The following TNNI1 variants were observed in gnomAD, a reference collection of about 807,000 sequenced individuals.
TNNI1 encodes the protein troponin I1, slow skeletal type, also known as troponin I, slow skeletal muscle.
In TNNI1, 14 loss-of-function variants were observed where a neutral mutation model predicts 26.7. That is an observed-to-expected ratio of 0.52 (90% CI 0.35 to 0.82). The LOEUF is 0.82. TNNI1 is among the 40% of genes least tolerant of loss of function. The pLI is 0.01. For synonymous variants in TNNI1, 79 were observed against 98.2 expected, an observed-to-expected ratio of 0.80 and a Z score of 1.16; for missense variants, 164 against 257.0, an observed-to-expected ratio of 0.64 and a Z score of 2.47.
intron 6 of TNNI1, 56 bp downstream of exon 6, chr1:201,412,976 G>T (rs1662664072): frequency 1.9e-6 from 3 of 1,550,464 alleles, no homozygotes; most frequent in African/African-American, 2.7e-5. Context: ...CTGCATCCGT[G>T]CCCATGCCCC....
Position 201,406,174 on chromosome 1 carries a change from G to C in TNNI1, c.*3079C>G, listed in dbSNP as rs1267903658. ...CCAAGGCAGAGTGACCTGAGATCTA[G>C]TCTCCAGTCTGCAGCTAGCAAACCC... On this transcript the variant is annotated 3_prime_UTR_variant, in exon 9 of 9. Transcript: ENST00000361379. 4 of 152,192 alleles carry C rather than the reference G, an allele frequency of 2.6e-5. No individual in the cohort carries two copies. Among genetic ancestry groups the C allele is most frequent in the African/African-American group, 9.7e-5 (4 of 41,434 alleles). The allele number at this position is 152,192 out of a possible 1,614,324, so 9.4% of individuals were successfully genotyped here. A position where few individuals can be genotyped will look rare whatever the true frequency, so the allele number is the denominator to read the frequency against.
chr1:201,420,077 C>T (rs1400004643), intron 1 of TNNI1, among the ~76,000 whole-genome samples: 3 of 152,224 alleles, frequency 2.0e-5, no homozygotes, highest in Non-Finnish European at 4.4e-5. Flanking sequence ...CTGGGATGTG[C>T]CTTGTCCTTG....
chr1:201,407,992 G>A lies in TNNI1; in HGVS notation c.*1261C>T, dbSNP rs1213733613. 4 of 149,982 alleles carry A rather than the reference G, an allele frequency of 2.7e-5. No homozygotes were observed. Among genetic ancestry groups the A allele is most frequent in the Non-Finnish European group, 4.4e-5 (3 of 67,892 alleles). 9.3% of individuals were successfully genotyped at this position (149,982 alleles called of 1,614,324 possible). ...TGGGAGGCGGAGGTTGCAGTGAGTC[G>A]AGATCGCGTCACTGCACTCCAGCCT... On this transcript the variant is annotated 3_prime_UTR_variant, in exon 9 of 9. Transcript: ENST00000361379.
At chr1:201,412,940 TG>T in intron 6 of TNNI1, 91 bp downstream of exon 6, 1 of 1,313,664 alleles carries the variant, frequency 7.6e-7, no homozygotes, top group Non-Finnish European at 1.1e-6. Flanking sequence ...CTAGGCCCTG[TG>T]GAAGGAGGGG....
At chr1:201,410,290 G>C (rs1414415746) in intron 8 of TNNI1, 36 bp downstream of exon 8, 1 of 1,579,954 alleles carries the variant, frequency 6.3e-7, no homozygotes, top group South Asian at 1.1e-5. Context: ...TCTAGACTCT[G>C]ATGGACCCCA....
intron 5 of TNNI1, 52 bp from the exon 6 acceptor site, chr1:201,413,173 A>G (rs751685030): frequency 6.3e-7 from 1 of 1,599,164 alleles, no homozygotes. Flanking sequence ...GAACAGAGAC[A>G]TCAGTTTCCA....
In TNNI1 at chr1:201,414,741, C is replaced by G. The variant is rs1458536221; in HGVS notation, c.58-92G>C. The G allele has an allele frequency of 7.1e-6, 11 of 1,559,022 alleles. No homozygotes were observed. The South Asian group carries it at 1.1e-4, about 16-fold the overall frequency. On this transcript the variant is annotated intron_variant, in intron 4 of 8. Transcript: ENST00000361379. ...AGGGCAGCCACAGCCTGGGCCAACT[C>G]TGAGACCACTGTCCAGTGTAGAAGT...
chr1:201,415,465 C>G lies in TNNI1; in HGVS notation c.16-211G>C, dbSNP rs150743586. On this transcript the variant is annotated intron_variant, in intron 3 of 8. Coordinates refer to ENST00000361379, the MANE Select transcript of TNNI1 (RefSeq NM_003281.4). The stretch of plus-strand genomic sequence containing the variant: ...AGCTACCTTGACCTAGGGGCTGAAG[C>G]CTTAACTTCCCACTCTGATTCTGCT... 9.8e-3 allele frequency among the ~76,000 whole-genome samples: 1,490 copies of G among 152,266 alleles called. 12 individuals are homozygous for G. Among genetic ancestry groups the G allele is most frequent in the Non-Finnish European group, 0.014 (943 of 68,012 alleles).
chr1:201,415,193 C>A lies in TNNI1; in HGVS notation c.57+20G>T, dbSNP rs1267468535. On this transcript the variant is annotated intron_variant, in intron 4 of 8. Coordinates refer to ENST00000361379, the MANE Select transcript of TNNI1 (RefSeq NM_003281.4). The stretch of plus-strand genomic sequence containing the variant: ...CTGCCTCCCACTGGGCATCCCCCCA[C>A]AGCCAGCCCCCAGCCTCACCTTCAG... The A allele has an allele frequency of 6.2e-6, 10 of 1,610,876 alleles. No homozygotes were observed. Among genetic ancestry groups the A allele is most frequent in the Non-Finnish European group, 8.5e-6 (10 of 1,177,526 alleles).
In TNNI1 at chr1:201,411,004, A is replaced by G. The variant is rs1364004085; in HGVS notation, c.456+353T>C. Among the ~76,000 whole-genome samples the G allele has an allele frequency of 6.6e-6, 1 of 152,180 alleles. No homozygotes were observed. The highest frequency in any genetic ancestry group is 1.5e-5 in the Non-Finnish European group (1 of 68,030). On this transcript the variant is annotated intron_variant, in intron 7 of 8. Coordinates refer to ENST00000361379, the MANE Select transcript of TNNI1 (RefSeq NM_003281.4). This position sits in a 1 kb window ranked among gnomAD's most constrained non-coding sequence, Gnocchi z 4.6. ...ATGCTCGTGTGTGGCTATAACCAAGATGAGCTGCTGTCTCCTTTCCCTGTG... is the reference window on the plus strand; with the variant it reads ...ATGCTCGTGTGTGGCTATAACCAAGGTGAGCTGCTGTCTCCTTTCCCTGTG...
chr1:201,415,195 G>A lies in TNNI1; in HGVS notation c.57+18C>T, dbSNP rs1253312777. ...GCCTCCCACTGGGCATCCCCCCACAGCCAGCCCCCAGCCTCACCTTCAGCA... is the reference window on the plus strand; with the variant it reads ...GCCTCCCACTGGGCATCCCCCCACAACCAGCCCCCAGCCTCACCTTCAGCA... On this transcript the variant is annotated intron_variant, in intron 4 of 8. Transcript: ENST00000361379. The A allele has an allele frequency of 1.1e-5, 17 of 1,612,076 alleles. No individual in the cohort carries two copies. Among genetic ancestry groups the A allele is most frequent in the Non-Finnish European group, 1.2e-5 (14 of 1,178,656 alleles).
intron 6 of TNNI1, among the ~76,000 whole-genome samples, 190 bp downstream of exon 6, chr1:201,412,842 T>C (rs1043619506): frequency 6.6e-5 from 10 of 152,202 alleles, no homozygotes; most frequent in Non-Finnish European, 1.3e-4. Context: ...AGTTTGTACT[T>C]TTCATGTGTG....
At position 201,408,073 on chromosome 1, in the gene TNNI1, CA is replaced by C. The variant is rs1233563436; in HGVS notation, c.*1179del. 6.6e-6 allele frequency: 1 copy of C among 151,010 alleles called. No homozygotes were observed. Among genetic ancestry groups the C allele is most frequent in the Non-Finnish European group, 1.5e-5 (1 of 67,950 alleles). The allele number at this position is 151,010 out of a possible 1,614,324, so 9.4% of individuals were successfully genotyped here. A position where few individuals can be genotyped will look rare whatever the true frequency, so the allele number is the denominator to read the frequency against. On this transcript the variant is annotated 3_prime_UTR_variant, in exon 9 of 9. Coordinates refer to ENST00000361379, the MANE Select transcript of TNNI1 (RefSeq NM_003281.4). Reference sequence around the variant, plus strand: ...AAAAAAAAAAAGGAAAAAGAAAAGTCAGAACTTTGGTCTCTGCTTCACAGGA... The same window carrying C: ...AAAAAAAAAAAGGAAAAAGAAAAGTCGAACTTTGGTCTCTGCTTCACAGGA...
At position 201,405,631 on chromosome 1, in the gene TNNI1, G is replaced by A. The variant is rs2102366430; in HGVS notation, c.*3622C>T. 6.5e-6 allele frequency: 1 copy of A among 152,822 alleles called. No individual in the cohort carries two copies. The highest frequency in any genetic ancestry group is 1.9e-4 in the East Asian group (1 of 5,166). 9.5% of individuals were successfully genotyped at this position (152,822 alleles called of 1,614,324 possible). A position where few individuals can be genotyped will look rare whatever the true frequency, so the allele number is the denominator to read the frequency against. ...GCCCCTCCTTCAGCAAGGCACTTTAGCCCCAGCAGCCCTTAGCGCTGGGCC... is the reference window on the plus strand; with the variant it reads ...GCCCCTCCTTCAGCAAGGCACTTTAACCCCAGCAGCCCTTAGCGCTGGGCC... On this transcript the variant is annotated 3_prime_UTR_variant, in exon 9 of 9. Transcript: ENST00000361379.
rs570439050 is a variant in TNNI1 at position 201,419,764 on chromosome 1, C to T, written c.-20+1909G>A. Among the ~76,000 whole-genome samples, 113 of 152,270 alleles carry T rather than the reference C, an allele frequency of 7.4e-4. 1 individual carries two copies. The highest frequency in any genetic ancestry group is 3.4e-3 in the Admixed American group (52 of 15,286). On this transcript the variant is annotated intron_variant, in intron 1 of 8. Coordinates refer to ENST00000361379, the MANE Select transcript of TNNI1 (RefSeq NM_003281.4). ...CTGGGCCTCCCTCCACCTCTGCCTCCGCCACCAGGGGAGGGTAAGGCTGGG... is the reference window on the plus strand; with the variant it reads ...CTGGGCCTCCCTCCACCTCTGCCTCTGCCACCAGGGGAGGGTAAGGCTGGG...
intron 1 of TNNI1, among the ~76,000 whole-genome samples, chr1:201,419,325 G>A (rs1421515829): frequency 7.9e-5 from 12 of 152,210 alleles, no homozygotes; most frequent in East Asian, 5.8e-4. Context: ...ATAATTCACC[G>A]TCTTGCCTGG....
chr1:201,417,858 T>C (rs550684096), intron 1 of TNNI1, 46 bp from the exon 2 acceptor site: 2 of 1,299,658 alleles, frequency 1.5e-6, no homozygotes, highest in East Asian at 5.6e-5. Context: ...TGGAAACCCC[T>C]GCCCCTGCCC....
chr1:201,407,345 T>C lies in TNNI1; in HGVS notation c.*1908A>G, dbSNP rs1268916840. On this transcript the variant is annotated 3_prime_UTR_variant, in exon 9 of 9. Coordinates refer to ENST00000361379, the MANE Select transcript of TNNI1 (RefSeq NM_003281.4). ...GTGCCTACGGGTTTCTGTGTGTGAT[T>C]GGGGTTGTGCTTTTTGCACACATCT... is the stretch of plus-strand genomic sequence containing the variant. The C allele has an allele frequency of 6.6e-6, 1 of 152,280 alleles. No homozygotes were observed. The highest frequency in any genetic ancestry group is 1.9e-4 in the East Asian group (1 of 5,200). The allele number at this position is 152,280 out of a possible 1,614,324, so 9.4% of individuals were successfully genotyped here.
rs113541309 is a variant in TNNI1 at position 201,410,239 on chromosome 1, A to G, written c.*2+87T>C. 3.2e-3 allele frequency: 3,883 copies of G among 1,202,012 alleles called. 63 individuals carry two copies. In the African/African-American group the frequency reaches 0.042, roughly 13 times the overall value. The allele number at this position is 1,202,012 out of a possible 1,614,324, so 74.5% of individuals were successfully genotyped here. Reference sequence around the variant, plus strand: ...AGTCCGTGCATCCGTGCACCACACTAAGTACAACCCGCCTGCCCATTGTGG... The same window carrying G: ...AGTCCGTGCATCCGTGCACCACACTGAGTACAACCCGCCTGCCCATTGTGG... On this transcript the variant is annotated intron_variant, in intron 8 of 8. Transcript: ENST00000361379.
Sources: gnomAD v4.1 joint callset for allele counts (sites outside exome capture counted in the v4.1 genomes callset) on GRCh38, gnomAD v4.1.1 for gene constraint, Gnocchi (gnomAD v3.1) non-coding constraint, MANE v1.5 for transcripts, NCBI Gene and HGNC (gene_info 2026-07-23, HGNC 2026-07-21) for gene names.